The following PPARGC1A variants were observed in gnomAD, a reference collection of about 807,000 sequenced individuals.
PPARGC1A encodes the protein PPARG coactivator 1 alpha.
Under a neutral mutation model 88.7 loss-of-function variants are expected in PPARGC1A, and 25 were observed. The ratio of observed to expected loss-of-function variants is 0.28; its 90% CI spans 0.21 to 0.39. The LOEUF is 0.39. Ranked by LOEUF, PPARGC1A falls within the 10% of genes least tolerant of loss-of-function variation. The pLI is 1.00. For missense variants in PPARGC1A, 880 were observed against 968.7 expected, an observed-to-expected ratio of 0.91 and a Z score of 1.22; for synonymous variants, 363 against 355.6, an observed-to-expected ratio of 1.02 and a Z score of -0.24.
At chr4:24,251,309 A>G in the PPARGC1A span, among the ~76,000 whole-genome samples, 3 of 152,174 alleles carry the variant, frequency 2.0e-5, no homozygotes, top group African/African-American at 7.2e-5. Flanking sequence ...TACCTACTTC[A>G]TAGAGTCACT....
At chr4:24,464,135 G>C in the PPARGC1A span, among the ~76,000 whole-genome samples, 6,038 of 152,310 alleles carry the variant, frequency 0.04, 169 homozygotes, top group Non-Finnish European at 0.057. Context: ...GAGGCCTACA[G>C]CCAACTGTGA....
the PPARGC1A span, among the ~76,000 whole-genome samples, chr4:24,225,536 A>AC: frequency 4.6e-5 from 7 of 151,182 alleles, no homozygotes; most frequent in South Asian, 2.1e-4. Flanking sequence ...TCTCAAAAAA[A>AC]AAACACACAC....
the PPARGC1A span, among the ~76,000 whole-genome samples, chr4:24,104,789 AC>A: frequency 6.6e-6 from 1 of 152,192 alleles, no homozygotes; most frequent in Admixed American, 6.5e-5. Context: ...TGCCCAGTAA[AC>A]CCTGAGGAAA....
the PPARGC1A span, among the ~76,000 whole-genome samples, chr4:24,057,856 A>G: frequency 2.6e-5 from 4 of 152,236 alleles, no homozygotes; most frequent in African/African-American, 9.6e-5. Context: ...TGCTCCAGCA[A>G]TTGGAAAACT....
the PPARGC1A span, among the ~76,000 whole-genome samples, chr4:23,909,343 T>TAC: frequency 1.3e-5 from 2 of 152,208 alleles, no homozygotes; most frequent in African/African-American, 4.8e-5. Context: ...ACTGGTGCCC[T>TAC]ACGTTGGGCT....
chr4:24,338,370 C>T, the PPARGC1A span, among the ~76,000 whole-genome samples: 2 of 152,122 alleles, frequency 1.3e-5, no homozygotes, highest in Admixed American at 1.3e-4. Flanking sequence ...ATCATTTCCT[C>T]AGAGCACACA....
chr4:24,142,511 T>C, the PPARGC1A span, among the ~76,000 whole-genome samples: 4 of 151,988 alleles, frequency 2.6e-5, no homozygotes, highest in Non-Finnish European at 2.9e-5. Context: ...CTGTCTCCAC[T>C]AAAAATACAA....
chr4:24,169,872 C>T, the PPARGC1A span, among the ~76,000 whole-genome samples: 1 of 152,114 alleles, frequency 6.6e-6, no homozygotes, highest in Admixed American at 6.6e-5. Flanking sequence ...CAAAGCCATC[C>T]ACATGACACA....
the PPARGC1A span, among the ~76,000 whole-genome samples, chr4:24,287,159 C>T: frequency 6.6e-6 from 1 of 151,744 alleles, no homozygotes; most frequent in Non-Finnish European, 1.5e-5. Context: ...CATCCCTGAG[C>T]TCTACCTACT....
chr4:24,301,504 A>G, the PPARGC1A span, among the ~76,000 whole-genome samples: 1 of 151,936 alleles, frequency 6.6e-6, no homozygotes. Context: ...TTTAGTGAAT[A>G]CCCACATCAG....
chr4:23,877,537 CAAAAAAAAAAA>C (rs11354781), intron 2 of PPARGC1A, among the ~76,000 whole-genome samples: 3 of 49,868 alleles, frequency 6.0e-5, no homozygotes, highest in African/African-American at 2.9e-4. Flanking sequence ...GACTCCATCT[CAAAAAAAAAAA>C]AAAAAAAAAA....
chr4:23,833,972 C>T (rs950684679), intron 2 of PPARGC1A, among the ~76,000 whole-genome samples: 5 of 152,060 alleles, frequency 3.3e-5, no homozygotes, highest in Non-Finnish European at 5.9e-5. Context: ...CAAGGCCAGC[C>T]TGGCCAATGT....
chr4:23,992,387 C>T, the PPARGC1A span, among the ~76,000 whole-genome samples: 1 of 151,734 alleles, frequency 6.6e-6, no homozygotes, highest in African/African-American at 2.4e-5. Context: ...TTATTGCATG[C>T]CAAGCATTTT....
chr4:24,041,964 T>C, the PPARGC1A span, among the ~76,000 whole-genome samples: 1 of 151,758 alleles, frequency 6.6e-6, no homozygotes, highest in African/African-American at 2.4e-5. Context: ...AACCTAAAAA[T>C]ATGACTGTAT....
intron 2 of PPARGC1A, among the ~76,000 whole-genome samples, chr4:23,865,467 T>G (rs751376482): frequency 6.6e-6 from 1 of 152,150 alleles, no homozygotes; most frequent in Admixed American, 6.5e-5. Context: ...AAAATGTTTA[T>G]GAGAAGGCTG....
the PPARGC1A span, among the ~76,000 whole-genome samples, chr4:24,189,691 C>T: frequency 1.3e-5 from 2 of 152,108 alleles, no homozygotes; most frequent in African/African-American, 2.4e-5. Flanking sequence ...GTGGGAAGCA[C>T]CTTGAGAAGA....
chr4:24,158,607 A>G, the PPARGC1A span, among the ~76,000 whole-genome samples: 1 of 152,338 alleles, frequency 6.6e-6, no homozygotes, highest in South Asian at 2.1e-4. Context: ...AAGCAGATGA[A>G]TGACTGTTCT....
chr4:24,333,333 T>A, the PPARGC1A span, among the ~76,000 whole-genome samples: 145,533 of 152,348 alleles, frequency 0.96, 69,892 homozygotes, highest in East Asian at 1. Flanking sequence ...TTAAAAATAC[T>A]TTTAAAAATT....
At chr4:24,302,988 A>G in the PPARGC1A span, among the ~76,000 whole-genome samples, 1 of 152,216 alleles carries the variant, frequency 6.6e-6, no homozygotes, top group African/African-American at 2.4e-5. Context: ...AGACCAGAGA[A>G]GGAAAAGGGT....
Sources: allele counts gnomAD v4.1 joint callset (sites outside exome capture counted in the v4.1 genomes callset), GRCh38; gene constraint gnomAD v4.1.1; transcripts MANE v1.5; gene names NCBI Gene and HGNC (gene_info 2026-07-23, HGNC 2026-07-21).